DTWD2: variants seen among roughly 807,000 people sequenced by gnomAD.
DTWD2 encodes DTW motif tRNA-uridine aminocarboxypropyltransferase 2.
A neutral mutation model predicts 31.8 loss-of-function variants in DTWD2; 39 were observed. The observed-to-expected ratio is 1.22, with a 90% CI of 0.95 to 1.60. The LOEUF (loss-of-function observed/expected upper bound fraction) is 1.60, where lower values mean the gene tolerates loss of function less well. Among genes scored for constraint, DTWD2 ranks in the 40% most tolerant of loss-of-function variants. The pLI is 0.00. For missense variants in DTWD2, 515 were observed against 381.5 expected (o/e 1.35, Z -2.92); for synonymous variants, 180 against 142.8 (o/e 1.26, Z -1.86).
intron 4 of DTWD2, among the ~76,000 whole-genome samples, chr5:118,870,697 T>C (rs898501221): frequency 2.6e-5 from 4 of 152,060 alleles, no homozygotes; most frequent in Non-Finnish European, 5.9e-5. Context: ...AGAGTGGAGG[T>C]TGCTAAAGGT....
chr5:118,847,480 T>G (rs1751885258), intron 5 of DTWD2, among the ~76,000 whole-genome samples: 1 of 152,174 alleles, frequency 6.6e-6, no homozygotes, highest in African/African-American at 2.4e-5. Context: ...TCCAAAAGAC[T>G]GAGATGTTAG....
At chr5:118,947,630 T>C (rs1754369188) in intron 1 of DTWD2, among the ~76,000 whole-genome samples, 2 of 152,270 alleles carry the variant, frequency 1.3e-5, no homozygotes, top group South Asian at 4.2e-4. Context: ...ATGTGTGGTT[T>C]TGGAAAAGAC....
chr5:118,838,467 G>C lies in DTWD2; in HGVS notation c.*2450C>G, dbSNP rs541266562. 1.3e-5 allele frequency: 2 copies of C among 152,238 alleles called. No homozygotes were observed. Among genetic ancestry groups the C allele is most frequent in the South Asian group, 4.1e-4 (2 of 4,832 alleles). 9.4% of individuals were successfully genotyped at this position (152,238 alleles called of 1,614,324 possible). ...ATAAAAAAGTAATTTTTAAAAGCCT[G>C]ATTAATTTTTCAATTAAAATACTCA... On this transcript the variant is annotated 3_prime_UTR_variant, in exon 6 of 6. Coordinates refer to ENST00000510708, the MANE Select transcript of DTWD2 (RefSeq NM_173666.4).
intron 4 of DTWD2, among the ~76,000 whole-genome samples, chr5:118,910,584 T>C (rs1293506528): frequency 6.6e-6 from 1 of 152,190 alleles, no homozygotes; most frequent in African/African-American, 2.4e-5. Context: ...CATGGCGGTG[T>C]AGGCTTTTTC....
In DTWD2 at chr5:118,837,198, A is replaced by C. The variant is rs1751592729; in HGVS notation, c.*3719T>G. 6.6e-6 allele frequency: 1 copy of C among 152,198 alleles called. No homozygotes were observed. Among genetic ancestry groups the C allele is most frequent in the Admixed American group, 6.5e-5 (1 of 15,280 alleles). 9.4% of individuals were successfully genotyped at this position (152,198 alleles called of 1,614,324 possible). On this transcript the variant is annotated 3_prime_UTR_variant, in exon 6 of 6. Transcript: ENST00000510708. ...AGGAGGAAGAAAGTGTGAAGAGAAAAGAGAGAGAATATGCTTTAAGTTAAT... is the reference window on the plus strand; with the variant it reads ...AGGAGGAAGAAAGTGTGAAGAGAAACGAGAGAGAATATGCTTTAAGTTAAT...
In DTWD2 at chr5:118,957,929, G is replaced by C. The variant is rs1324813932; in HGVS notation, c.219-13280C>G. Among the ~76,000 whole-genome samples the C allele has an allele frequency of 2.6e-5, 4 of 151,920 alleles. No individual in the cohort carries two copies. In the East Asian group the frequency reaches 7.7e-4, roughly 29 times the overall value. On this transcript the variant is annotated intron_variant, in intron 1 of 5. Transcript: ENST00000510708. ...ATACTTCTTCCTTTTTTGATATCTA[G>C]TTTTGTGTATGTTTTATGAGGTGCA...
At chr5:118,897,299 CAT>C (rs1382112018) in intron 4 of DTWD2, among the ~76,000 whole-genome samples, 2 of 152,134 alleles carry the variant, frequency 1.3e-5, no homozygotes, top group South Asian at 2.1e-4. Context: ...TGAATTGTAA[CAT>C]GTGTGAAGTG....
chr5:118,967,166 G>C (rs1430571021), intron 1 of DTWD2, among the ~76,000 whole-genome samples: 1 of 151,652 alleles, frequency 6.6e-6, no homozygotes, highest in African/African-American at 2.4e-5. Flanking sequence ...CAGATAAAGA[G>C]AGTCAGATTT....
chr5:118,959,705 T>C (rs1367532972), intron 1 of DTWD2, among the ~76,000 whole-genome samples: 1 of 152,178 alleles, frequency 6.6e-6, no homozygotes, highest in Non-Finnish European at 1.5e-5. Flanking sequence ...CTTCAAACTA[T>C]ACTATAATGC....
At chr5:118,934,048 C>T (rs1375309558) in intron 3 of DTWD2, among the ~76,000 whole-genome samples, 1 of 149,666 alleles carries the variant, frequency 6.7e-6, no homozygotes, top group East Asian at 1.9e-4. Context: ...TTTTAAATAC[C>T]ATTAAAATAG....
intron 2 of DTWD2, among the ~76,000 whole-genome samples, chr5:118,943,071 T>C (rs1174481425): frequency 1.3e-5 from 2 of 152,182 alleles, no homozygotes; most frequent in Non-Finnish European, 2.9e-5. Flanking sequence ...CCCAAAGTGC[T>C]GGAATTATAA....
At chr5:118,952,289 G>C (rs1236664319) in intron 1 of DTWD2, among the ~76,000 whole-genome samples, 2 of 152,182 alleles carry the variant, frequency 1.3e-5, no homozygotes, top group Non-Finnish European at 2.9e-5. Flanking sequence ...CAAATGTCAC[G>C]CGCGTCCGTG....
intron 1 of DTWD2, among the ~76,000 whole-genome samples, chr5:118,980,228 T>C (rs1262071048): frequency 1.3e-5 from 2 of 152,196 alleles, no homozygotes; most frequent in Non-Finnish European, 2.9e-5. Context: ...CAACCCATTG[T>C]AAAAAATTCA....
At position 118,934,657 on chromosome 5, in the gene DTWD2, A is replaced by G. The variant is rs550016389; in HGVS notation, c.404+4539T>C. Among the ~76,000 whole-genome samples, 233 of 152,294 alleles carry G rather than the reference A, an allele frequency of 1.5e-3. 2 individuals are homozygous for G. Among genetic ancestry groups the G allele is most frequent in the African/African-American group, 5.4e-3 (224 of 41,572 alleles). ...GAAAGACATAAAAGAGGAACAAAAG[A>G]TCAAATAACTGATAGGACTAATAGA... On this transcript the variant is annotated intron_variant, in intron 3 of 5. Transcript: ENST00000510708.
intron 1 of DTWD2, among the ~76,000 whole-genome samples, chr5:118,954,193 C>T (rs776813340): frequency 2.0e-5 from 3 of 152,162 alleles, no homozygotes; most frequent in Non-Finnish European, 4.4e-5. Context: ...ACTGCTCATA[C>T]CCAGGTGTTT....
chr5:118,895,835 T>A (rs1447677180), intron 4 of DTWD2, among the ~76,000 whole-genome samples: 1 of 152,156 alleles, frequency 6.6e-6, no homozygotes. Flanking sequence ...AACTATTATA[T>A]ATCCCTATTT....
Position 118,939,307 on chromosome 5 carries a change from A to C in DTWD2, c.310-17T>G. The C allele has an allele frequency of 6.5e-7, 1 of 1,544,350 alleles. No homozygotes were observed. The highest frequency in any genetic ancestry group is 8.7e-7 in the Non-Finnish European group (1 of 1,144,416). The stretch of plus-strand genomic sequence containing the variant: ...TTTGTTTTCCTTTAATTAAAAAATG[A>C]ATTGAAACATAGATTTTTACTTAGA... On this transcript the variant is annotated splice_polypyrimidine_tract_variant and intron_variant, in intron 2 of 5. Transcript: ENST00000510708.
intron 4 of DTWD2, among the ~76,000 whole-genome samples, chr5:118,885,713 C>T (rs1298189591): frequency 6.8e-6 from 1 of 147,568 alleles, no homozygotes; most frequent in Non-Finnish European, 1.5e-5. Context: ...TTATAGTGAG[C>T]CAAAATTGTG....
chr5:118,974,576 C>T, intron 1 of DTWD2: 1 of 502,400 alleles, frequency 2.0e-6, no homozygotes, highest in Non-Finnish European at 4.0e-6. Context: ...AAAATGACAA[C>T]AGAAAAACAA....
Sources: gnomAD v4.1 joint callset for allele counts (sites outside exome capture counted in the v4.1 genomes callset) on GRCh38, gnomAD v4.1.1 for gene constraint, MANE v1.5 for transcripts, NCBI Gene and HGNC (gene_info 2026-07-23, HGNC 2026-07-21) for gene names.